Variants in ARMH3 observed in about 807,000 individuals in gnomAD.
ARMH3 encodes the protein armadillo-like helical domain-containing protein 3.
In ARMH3, 60 loss-of-function variants were observed where a neutral mutation model predicts 99.1. That is an observed-to-expected ratio of 0.61 (90% CI 0.49 to 0.75). The LOEUF (loss-of-function observed/expected upper bound fraction) is 0.75. Ranked by LOEUF, ARMH3 falls within the 30% of genes least tolerant of loss-of-function variation. The pLI is 0.00. For missense variants in ARMH3, 679 were observed against 843.1 expected, an observed-to-expected ratio of 0.81 and a Z score of 2.41; for synonymous variants, 285 against 292.8, an observed-to-expected ratio of 0.97 and a Z score of 0.27.
chr10:102,040,150 G>T, intron 1 of ARMH3, 25 bp from the exon 2 acceptor site: 1 of 1,568,530 alleles, frequency 6.4e-7, no homozygotes, highest in South Asian at 1.1e-5. Context: ...TCACATTTTA[G>T]AATAGTGAAA....
chr10:101,991,575 T>G (rs905222674), intron 18 of ARMH3, among the ~76,000 whole-genome samples: 2 of 152,164 alleles, frequency 1.3e-5, no homozygotes, highest in Non-Finnish European at 2.9e-5. Flanking sequence ...CAGACAGGTT[T>G]TCACCATGTT....
intron 12 of ARMH3, among the ~76,000 whole-genome samples, chr10:102,009,664 A>C (rs1254288691): frequency 1.3e-5 from 2 of 152,122 alleles, no homozygotes; most frequent in Non-Finnish European, 2.9e-5. Flanking sequence ...GTTCTCATCT[A>C]CTTCATTATC....
At position 102,009,994 on chromosome 10, in the gene ARMH3, A is replaced by G; in HGVS notation, c.861T>C (p.His287=). 6.2e-7 allele frequency: 1 copy of G among 1,613,902 alleles called. No individual in the cohort carries two copies. The highest frequency in any genetic ancestry group is 8.5e-7 in the Non-Finnish European group (1 of 1,179,806). Residue 287 remains histidine, a synonymous_variant, in exon 12 of 26, where the codon CAT becomes CAC. Transcript: ENST00000370033. ...MVGSMFIADA[H]EKISVQTNEA... ...GCACTTACTGTACTGAGATTTTCTC[A>G]TGGGCATCTGCTATGAACATGCTGC...
chr10:102,007,766 G>A (rs12218654), intron 13 of ARMH3, among the ~76,000 whole-genome samples: 4 of 144,874 alleles, frequency 2.8e-5, no homozygotes, highest in South Asian at 2.2e-4. Context: ...CCGGGAGGCA[G>A]AGCTTGCAGT....
chr10:102,032,164 G>A (rs1432617585), intron 4 of ARMH3, among the ~76,000 whole-genome samples: 4 of 152,248 alleles, frequency 2.6e-5, no homozygotes, highest in Admixed American at 6.5e-5. Flanking sequence ...CTTACTTCTA[G>A]AGTACTATTT....
At chr10:102,039,696 T>C (rs915905151) in intron 2 of ARMH3, among the ~76,000 whole-genome samples, 4 of 152,196 alleles carry the variant, frequency 2.6e-5, no homozygotes, top group Admixed American at 2.6e-4. Context: ...AGCCCTAAGT[T>C]AGAGCATAAG....
At chr10:101,970,382 T>A (rs535552238) in intron 20 of ARMH3, among the ~76,000 whole-genome samples, 2 of 152,332 alleles carry the variant, frequency 1.3e-5, no homozygotes, top group African/African-American at 4.8e-5. Context: ...ATTAACAACA[T>A]CCTACTGGGT....
chr10:101,884,793 C>CAAACAA lies in ARMH3; in HGVS notation c.1860+4618_1860+4619insTTGTTT, dbSNP rs1554853724. On this transcript the variant is annotated intron_variant, in intron 24 of 25. Coordinates refer to ENST00000370033, the MANE Select transcript of ARMH3 (RefSeq NM_024541.3). Reference sequence around the variant, plus strand: ...ACAAAAACAAAACAAAACAAACAAACAAAAAAAAACAGGCAAATTGGACTT... The same window carrying CAAACAA: ...ACAAAAACAAAACAAAACAAACAAACAAACAAAAAAAAAAACAGGCAAATTGGACTT... Among the ~76,000 whole-genome samples, 55 of 149,904 alleles carry CAAACAA rather than the reference C, an allele frequency of 3.7e-4. No individual in the cohort carries two copies. In the East Asian group the frequency reaches 5.0e-3, roughly 14 times the overall value.
intron 19 of ARMH3, among the ~76,000 whole-genome samples, chr10:101,976,448 C>T (rs533977220): frequency 6.6e-6 from 1 of 150,504 alleles, no homozygotes; most frequent in African/African-American, 2.4e-5. Flanking sequence ...ACTGCTTGTG[C>T]TACCCATTCC....
intron 8 of ARMH3, among the ~76,000 whole-genome samples, chr10:102,016,562 TAACA>T (rs964039011): frequency 1.6e-4 from 25 of 152,150 alleles, no homozygotes; most frequent in African/African-American, 6.0e-4. Context: ...TAATTAGACA[TAACA>T]AACAATGTGT....
At chr10:102,036,396 C>T (rs1200842841) in intron 2 of ARMH3, among the ~76,000 whole-genome samples, 7 of 152,142 alleles carry the variant, frequency 4.6e-5, no homozygotes, top group Admixed American at 3.9e-4. Context: ...TCATTAAGAA[C>T]GGGCCATGAT....
intron 6 of ARMH3, among the ~76,000 whole-genome samples, chr10:102,024,374 G>C (rs1019614667): frequency 6.7e-6 from 1 of 150,216 alleles, no homozygotes; most frequent in Admixed American, 6.6e-5. Context: ...GTTCAAACCC[G>C]GGAGATGGTG....
intron 23 of ARMH3, among the ~76,000 whole-genome samples, chr10:101,937,451 G>C (rs930469829): frequency 1.3e-4 from 19 of 151,712 alleles, no homozygotes; most frequent in South Asian, 8.3e-4. Flanking sequence ...CCTGGGAAGC[G>C]GAGGCTGCAG....
intron 24 of ARMH3, among the ~76,000 whole-genome samples, chr10:101,866,785 T>C (rs1467308280): frequency 6.6e-6 from 1 of 152,188 alleles, no homozygotes; most frequent in Non-Finnish European, 1.5e-5. Context: ...CAAATTTGGC[T>C]TTAAAAATGT....
chr10:102,014,495 C>T (rs1291508315), intron 8 of ARMH3, among the ~76,000 whole-genome samples: 3 of 152,216 alleles, frequency 2.0e-5, no homozygotes, highest in Non-Finnish European at 4.4e-5. Context: ...GGCTCCCTAA[C>T]CATTTCACAA....
chr10:102,006,443 TAAC>T, intron 14 of ARMH3, 94 bp downstream of exon 14: 2 of 1,368,992 alleles, frequency 1.5e-6, no homozygotes, highest in Non-Finnish European at 2.0e-6. Context: ...TGGGAAAAAT[TAAC>T]AACTACGTAG....
intron 20 of ARMH3, among the ~76,000 whole-genome samples, chr10:101,968,109 C>T (rs1192631882): frequency 6.6e-6 from 1 of 151,906 alleles, no homozygotes; most frequent in African/African-American, 2.4e-5. Flanking sequence ...CAATGCAAAC[C>T]TCACAATTAG....
chr10:101,980,685 G>A lies in ARMH3; in HGVS notation c.1407-5385C>T, dbSNP rs1254879325. ...ACTTTAGCAGACACCACATTAATCT[G>A]TGGGGTATCAATCTGACAGCTGACG... On this transcript the variant is annotated intron_variant, in intron 19 of 25. Coordinates refer to ENST00000370033, the MANE Select transcript of ARMH3 (RefSeq NM_024541.3). 2.0e-5 allele frequency among the ~76,000 whole-genome samples: 3 copies of A among 152,094 alleles called. No homozygotes were observed. In the South Asian group the frequency reaches 6.2e-4, roughly 32 times the overall value.
chr10:102,010,621 C>T (rs185893166), intron 11 of ARMH3, among the ~76,000 whole-genome samples: 1 of 152,264 alleles, frequency 6.6e-6, no homozygotes, highest in East Asian at 1.9e-4. Flanking sequence ...ATATCAGAAG[C>T]ACTAAGATGC....
Sources: gnomAD v4.1 joint callset for allele counts (sites outside exome capture counted in the v4.1 genomes callset) on GRCh38, gnomAD v4.1.1 for gene constraint, MANE v1.5 for transcripts, NCBI Gene and HGNC (gene_info 2026-07-23, HGNC 2026-07-21) for gene names.